GRM7: variants seen among roughly 807,000 people sequenced by gnomAD.
GRM7 encodes metabotropic glutamate receptor 7.
Under a neutral mutation model 84.5 loss-of-function variants are expected in GRM7, and 35 were observed. The ratio of observed to expected loss-of-function variants is 0.41; its 90% CI spans 0.32 to 0.55. GRM7 has a LOEUF of 0.55. Ranked by LOEUF, GRM7 falls within the 20% of genes least tolerant of loss-of-function variation. The pLI, the probability that GRM7 is intolerant of heterozygous loss-of-function variation, is 0.19. For synonymous variants in GRM7, 487 were observed against 455.1 expected (o/e 1.07, Z -0.89); for missense variants, 1,003 against 1,194.6 (o/e 0.84, Z 2.36).
intron 2 of GRM7, among the ~76,000 whole-genome samples, chr3:7,262,949 T>TTTG (rs1559536700): frequency 2.6e-5 from 4 of 152,212 alleles, no homozygotes; most frequent in Non-Finnish European, 5.9e-5. Context: ...CCACCCACCA[T>TTTG]GCCTCTCAAA....
At chr3:6,993,339 A>T (rs2124860443) in intron 1 of GRM7, among the ~76,000 whole-genome samples, 1 of 152,304 alleles carries the variant, frequency 6.6e-6, no homozygotes, top group East Asian at 1.9e-4. Context: ...CCCTTCTTGG[A>T]GGTATCAAAA....
At chr3:6,985,226 A>C (rs1694364875) in intron 1 of GRM7, among the ~76,000 whole-genome samples, 1 of 152,148 alleles carries the variant, frequency 6.6e-6, no homozygotes, top group African/African-American at 2.4e-5. Context: ...CAAACAATCC[A>C]ATTACACTGT....
intron 9 of GRM7, among the ~76,000 whole-genome samples, chr3:7,724,597 C>T (rs1158417226): frequency 6.6e-6 from 1 of 152,160 alleles, no homozygotes; most frequent in African/African-American, 2.4e-5. Flanking sequence ...CACCACTTTG[C>T]ATCTATCTCA....
At chr3:7,383,595 A>G (rs1694672443) in intron 4 of GRM7, among the ~76,000 whole-genome samples, 2 of 152,336 alleles carry the variant, frequency 1.3e-5, no homozygotes, top group South Asian at 4.1e-4. Flanking sequence ...AACAAACTTT[A>G]GTATATAACA....
chr3:6,891,007 G>C (rs1319901000), intron 1 of GRM7, among the ~76,000 whole-genome samples: 1 of 151,816 alleles, frequency 6.6e-6, no homozygotes, highest in Admixed American at 6.6e-5. Context: ...TGTGTCTTTT[G>C]ATCTTTGTTG....
intron 1 of GRM7, among the ~76,000 whole-genome samples, chr3:6,921,155 G>A (rs917036545): frequency 6.6e-6 from 1 of 152,166 alleles, no homozygotes; most frequent in African/African-American, 2.4e-5. Flanking sequence ...TGTGTGGTTT[G>A]GTTCTAGCTC....
chr3:6,964,044 C>T (rs1693404095), intron 1 of GRM7, among the ~76,000 whole-genome samples: 1 of 152,212 alleles, frequency 6.6e-6, no homozygotes, highest in South Asian at 2.1e-4. Context: ...CCACCATCCA[C>T]CACCCCTATT....
chr3:7,418,357 T>C (rs186674292), intron 5 of GRM7, among the ~76,000 whole-genome samples: 11 of 152,258 alleles, frequency 7.2e-5, no homozygotes, highest in African/African-American at 2.6e-4. Flanking sequence ...TGAAATGCAG[T>C]TCAGCAAGTA....
intron 1 of GRM7, among the ~76,000 whole-genome samples, chr3:6,890,599 G>T (rs1179644596): frequency 6.6e-6 from 1 of 152,174 alleles, no homozygotes; most frequent in Non-Finnish European, 1.5e-5. Flanking sequence ...CTGAGAGACA[G>T]TTTGTTGTAA....
intron 1 of GRM7, among the ~76,000 whole-genome samples, chr3:6,936,235 G>A (rs1019086290): frequency 6.6e-6 from 1 of 152,172 alleles, no homozygotes; most frequent in Non-Finnish European, 1.5e-5. Flanking sequence ...AGCAGTAGAG[G>A]GCAGCCAGCA....
chr3:7,225,441 T>A (rs1696951537), intron 2 of GRM7, among the ~76,000 whole-genome samples: 1 of 147,734 alleles, frequency 6.8e-6, no homozygotes, highest in Non-Finnish European at 1.5e-5. Context: ...ATATCTGTAA[T>A]TTCTTGATAT....
intron 8 of GRM7, among the ~76,000 whole-genome samples, chr3:7,606,372 A>G (rs1342603514): frequency 6.6e-6 from 1 of 152,176 alleles, no homozygotes; most frequent in Non-Finnish European, 1.5e-5. Flanking sequence ...GGTTTTTTAT[A>G]CATTAAAAAT....
At chr3:7,396,203 C>A (rs998528679) in intron 4 of GRM7, among the ~76,000 whole-genome samples, 6 of 151,958 alleles carry the variant, frequency 3.9e-5, no homozygotes, top group African/African-American at 1.5e-4. Context: ...AAAAATTTCC[C>A]AGTAAGAACC....
At chr3:7,634,020 A>G (rs539716691) in intron 8 of GRM7, among the ~76,000 whole-genome samples, 1 of 151,986 alleles carries the variant, frequency 6.6e-6, no homozygotes, top group Admixed American at 6.5e-5. Context: ...AGTATTCAAA[A>G]AGCATTGCAG....
chr3:7,658,248 G>A (rs1043937110), intron 8 of GRM7, among the ~76,000 whole-genome samples: 24 of 152,254 alleles, frequency 1.6e-4, no homozygotes, highest in African/African-American at 5.8e-4. Context: ...CACTGCTAAT[G>A]AATTTAGAGC....
intron 7 of GRM7, among the ~76,000 whole-genome samples, chr3:7,469,038 C>T (rs969044874): frequency 1.3e-5 from 2 of 152,196 alleles, no homozygotes; most frequent in Non-Finnish European, 2.9e-5. Flanking sequence ...TCTGCACCCC[C>T]AAGCACCAAG....
intron 2 of GRM7, among the ~76,000 whole-genome samples, chr3:7,298,396 C>T (rs960960245): frequency 6.6e-6 from 1 of 152,142 alleles, no homozygotes; most frequent in Admixed American, 6.5e-5. Flanking sequence ...CTTTTTCTTC[C>T]TACCTAAACC....
intron 1 of GRM7, among the ~76,000 whole-genome samples, chr3:7,092,532 A>G (rs114630735): frequency 0.013 from 2,004 of 151,666 alleles, 41 homozygotes; most frequent in African/African-American, 0.045. Context: ...GACAGTGAGT[A>G]TTCAGAGTTA....
intron 4 of GRM7, among the ~76,000 whole-genome samples, chr3:7,346,891 C>A (rs2125086395): frequency 6.6e-6 from 1 of 152,218 alleles, no homozygotes; most frequent in African/African-American, 2.4e-5. Context: ...GATTGTGTAT[C>A]TGTAAGACAG....
Sources: gnomAD v4.1 joint callset for allele counts (sites outside exome capture counted in the v4.1 genomes callset) on GRCh38, gnomAD v4.1.1 for gene constraint, MANE v1.5 for transcripts, NCBI Gene and HGNC (gene_info 2026-07-23, HGNC 2026-07-21) for gene names.